The following CNGB3 variants were observed in gnomAD, a reference collection of about 807,000 sequenced individuals.
CNGB3 encodes cyclic nucleotide gated channel subunit beta 3.
Under a neutral mutation model 92.8 loss-of-function variants are expected in CNGB3, and 86 were observed. The ratio of observed to expected loss-of-function variants is 0.93; its 90% CI spans 0.78 to 1.11. CNGB3 has a LOEUF of 1.11. CNGB3 is among the 50% of genes least tolerant of loss of function. The pLI is 0.00. For missense variants in CNGB3, 1,026 were observed against 956.8 expected, an observed-to-expected ratio of 1.07 and a Z score of -0.95; for synonymous variants, 333 against 332.7, an observed-to-expected ratio of 1.00 and a Z score of -0.01.
chr8:86,684,910 A>G (rs988194975), intron 3 of CNGB3, among the ~76,000 whole-genome samples: 2 of 151,964 alleles, frequency 1.3e-5, no homozygotes, highest in Admixed American at 1.3e-4. Context: ...TGGTGGGGGG[A>G]TACATGAGCT....
intron 13 of CNGB3, among the ~76,000 whole-genome samples, chr8:86,615,319 G>A (rs1368971131): frequency 1.3e-5 from 2 of 152,086 alleles, no homozygotes; most frequent in East Asian, 1.9e-4. Context: ...ATAAACTACA[G>A]ATCGGCCGGG....
chr8:86,697,588 T>C (rs1039139394), intron 3 of CNGB3, among the ~76,000 whole-genome samples: 1 of 152,210 alleles, frequency 6.6e-6, no homozygotes, highest in African/African-American at 2.4e-5. Flanking sequence ...TTAATTGGAC[T>C]TTAAAAAAAT....
At chr8:86,724,664 G>T (rs1298144360) in intron 3 of CNGB3, among the ~76,000 whole-genome samples, 1 of 152,092 alleles carries the variant, frequency 6.6e-6, no homozygotes, top group South Asian at 2.1e-4. Flanking sequence ...CTGTGAAAGA[G>T]ATCTTATAAT....
In CNGB3 at chr8:86,575,695, C is replaced by T. The variant is rs1437582150; in HGVS notation, c.*109G>A. 5.5e-6 allele frequency: 5 copies of T among 915,246 alleles called. No individual in the cohort carries two copies. The highest frequency in any genetic ancestry group is 3.3e-5 in the African/African-American group (2 of 59,900). The allele number at this position is 915,246 out of a possible 1,614,324, so 56.7% of individuals were successfully genotyped here. ...GAAACTAAGCTAGGGATTTGCCTTT[C>T]GTTTCTCAAGGGTCCCAGCATGTCG... On this transcript the variant is annotated 3_prime_UTR_variant, in exon 18 of 18. Transcript: ENST00000320005.
intron 3 of CNGB3, among the ~76,000 whole-genome samples, chr8:86,725,060 A>C (rs918339931): frequency 2.6e-5 from 4 of 152,204 alleles, no homozygotes; most frequent in Non-Finnish European, 5.9e-5. Context: ...AAGAAATACT[A>C]GGAATGAATA....
intron 3 of CNGB3, among the ~76,000 whole-genome samples, chr8:86,706,812 T>C (rs1012287026): frequency 6.6e-6 from 1 of 152,212 alleles, no homozygotes; most frequent in Admixed American, 6.5e-5. Flanking sequence ...AGAGAGGAAG[T>C]CAAATGCATA....
intron 1 of CNGB3, among the ~76,000 whole-genome samples, chr8:86,740,812 A>G (rs1825327380): frequency 6.6e-6 from 1 of 152,166 alleles, no homozygotes; most frequent in African/African-American, 2.4e-5. Flanking sequence ...TGAATATGAA[A>G]TTGATTGAGT....
chr8:86,676,894 G>A (rs1396081819), intron 3 of CNGB3, among the ~76,000 whole-genome samples: 3 of 152,132 alleles, frequency 2.0e-5, no homozygotes, highest in African/African-American at 7.2e-5. Flanking sequence ...TTTTGCATCT[G>A]CTCATGAATA....
At chr8:86,740,844 C>T (rs1038870916) in intron 1 of CNGB3, among the ~76,000 whole-genome samples, 3 of 151,920 alleles carry the variant, frequency 2.0e-5, no homozygotes, top group African/African-American at 7.3e-5. Context: ...ATGAACGTAG[C>T]TAGAAAGGTA....
intron 2 of CNGB3, among the ~76,000 whole-genome samples, chr8:86,735,719 T>C (rs1825239710): frequency 6.6e-6 from 1 of 152,196 alleles, no homozygotes; most frequent in Non-Finnish European, 1.5e-5. Flanking sequence ...TACATTGGGG[T>C]TACCTGAATA....
intron 15 of CNGB3, among the ~76,000 whole-genome samples, chr8:86,583,425 GT>G (rs1821830797): frequency 6.6e-6 from 1 of 151,998 alleles, no homozygotes; most frequent in Non-Finnish European, 1.5e-5. Flanking sequence ...AAACTTTAGA[GT>G]AACCATTAAA....
chr8:86,681,219 T>C (rs1824077964), intron 3 of CNGB3, among the ~76,000 whole-genome samples: 1 of 152,196 alleles, frequency 6.6e-6, no homozygotes, highest in African/African-American at 2.4e-5. Flanking sequence ...AGTATATCTA[T>C]TATATGTTGA....
intron 10 of CNGB3, among the ~76,000 whole-genome samples, chr8:86,633,647 C>G (rs1224691888): frequency 1.3e-5 from 2 of 152,130 alleles, no homozygotes; most frequent in African/African-American, 2.4e-5. Context: ...AACCCAGGTT[C>G]AAGGGAAGAG....
At chr8:86,699,951 CTT>C (rs1479341799) in intron 3 of CNGB3, among the ~76,000 whole-genome samples, 1 of 152,090 alleles carries the variant, frequency 6.6e-6, no homozygotes, top group African/African-American at 2.4e-5. Context: ...TCCAATCTCT[CTT>C]TCTTTCTTCT....
intron 1 of CNGB3, among the ~76,000 whole-genome samples, chr8:86,742,778 A>G (rs1015037240): frequency 6.6e-6 from 1 of 152,198 alleles, no homozygotes; most frequent in African/African-American, 2.4e-5. Flanking sequence ...AGCCACTTGT[A>G]AAGTACCTAC....
chr8:86,726,806 G>A lies in CNGB3; in HGVS notation c.212-149C>T, dbSNP rs545189728. The stretch of plus-strand genomic sequence containing the variant: ...CTGGGACTTCTGCTAAACAAAGTAG[G>A]ACTTTATGCAGGAAGAATTAACTGG... On this transcript the variant is annotated intron_variant, in intron 2 of 17. Coordinates refer to ENST00000320005, the MANE Select transcript of CNGB3 (RefSeq NM_019098.5). 6.7e-5 allele frequency: 58 copies of A among 860,252 alleles called. No homozygotes were observed. In the South Asian group the frequency reaches 7.2e-4, roughly 11 times the overall value. The allele number at this position is 860,252 out of a possible 1,614,324, so 53.3% of individuals were successfully genotyped here. A position where few individuals can be genotyped will look rare whatever the true frequency, so the allele number is the denominator to read the frequency against.
rs114397669 is a variant in CNGB3, at chr8:86,640,787, G to A, written c.1178+2964C>T. Among the ~76,000 whole-genome samples, 849 of 151,964 alleles carry A rather than the reference G, an allele frequency of 5.6e-3. 9 individuals are homozygous for A. Among genetic ancestry groups the A allele is most frequent in the African/African-American group, 0.02 (819 of 41,448 alleles). ...TTCTCTAAAATGGTTTTGTTTTAAA[G>A]CTTATTTTGACTAATGTTAATTGAC... On this transcript the variant is annotated intron_variant, in intron 10 of 17. Coordinates refer to ENST00000320005, the MANE Select transcript of CNGB3 (RefSeq NM_019098.5).
At chr8:86,740,099 C>A (rs1433344901) in intron 1 of CNGB3, among the ~76,000 whole-genome samples, 1 of 152,200 alleles carries the variant, frequency 6.6e-6, no homozygotes, top group Non-Finnish European at 1.5e-5. Flanking sequence ...AGCTCCCTTT[C>A]TTCTCTCCAT....
At chr8:86,655,067 C>T (rs761950174) in intron 6 of CNGB3, among the ~76,000 whole-genome samples, 5 of 151,768 alleles carry the variant, frequency 3.3e-5, no homozygotes, top group Non-Finnish European at 7.4e-5. Context: ...CTCCTGCTTC[C>T]GAGTATCCTA....
Sources: gnomAD v4.1 joint callset for allele counts (sites outside exome capture counted in the v4.1 genomes callset) on GRCh38, gnomAD v4.1.1 for gene constraint, MANE v1.5 for transcripts, NCBI Gene and HGNC (gene_info 2026-07-23, HGNC 2026-07-21) for gene names.